The following RIMS1 variants were observed in gnomAD, a reference collection of about 807,000 sequenced individuals.
RIMS1 encodes the protein regulating synaptic membrane exocytosis 1.
In RIMS1, 83 loss-of-function variants were observed where a neutral mutation model predicts 214.1. That is an observed-to-expected ratio of 0.39 (90% CI 0.32 to 0.47). The LOEUF is 0.47. Ranked by LOEUF, RIMS1 falls within the 20% of genes least tolerant of loss-of-function variation. The pLI is 0.99. For synonymous variants in RIMS1, 793 were observed against 786.8 expected, an observed-to-expected ratio of 1.01 and a Z score of -0.13; for missense variants, 2,050 against 2,161.8, an observed-to-expected ratio of 0.95 and a Z score of 1.03.
chr6:72,282,292 T>C (rs1366666505), intron 23 of RIMS1, among the ~76,000 whole-genome samples: 2 of 152,168 alleles, frequency 1.3e-5, no homozygotes, highest in East Asian at 3.8e-4. Flanking sequence ...CTTCCCACTA[T>C]GCTTATGCCT....
At chr6:72,007,740 T>G (rs754660831) in intron 2 of RIMS1, among the ~76,000 whole-genome samples, 23 of 152,054 alleles carry the variant, frequency 1.5e-4, no homozygotes, top group Non-Finnish European at 2.8e-4. Flanking sequence ...GAAGATCAAA[T>G]GAACGAAATG....
At chr6:72,151,369 A>G (rs1376073680) in intron 4 of RIMS1, among the ~76,000 whole-genome samples, 1 of 152,112 alleles carries the variant, frequency 6.6e-6, no homozygotes, top group African/African-American at 2.4e-5. Context: ...TGGAAAACGT[A>G]ACCAGCGGAA....
chr6:71,895,138 A>G (rs910729562), intron 1 of RIMS1, among the ~76,000 whole-genome samples: 1 of 152,186 alleles, frequency 6.6e-6, no homozygotes, highest in Admixed American at 6.5e-5. Flanking sequence ...AGTGGAAACT[A>G]ATGTAGTAAT....
chr6:72,224,605 A>G (rs9442755), intron 6 of RIMS1, among the ~76,000 whole-genome samples: 2,970 of 152,306 alleles, frequency 0.02, 129 homozygotes, highest in African/African-American at 0.068. Context: ...TTATTCAGTC[A>G]AATATTTAGG....
rs1452932351 is a variant in RIMS1 at position 72,403,089 on chromosome 6, G to C, written c.*2375G>C. ...AATAAATCTCAGTAAGAATCAAATG[G>C]AAGGTTGTTTTCTGCTGCTGTTTGA... On this transcript the variant is annotated 3_prime_UTR_variant, in exon 34 of 34. Transcript: ENST00000521978. 1 of 152,206 alleles carries C rather than the reference G, an allele frequency of 6.6e-6. No homozygotes were observed. Among genetic ancestry groups the C allele is most frequent in the Non-Finnish European group, 1.5e-5 (1 of 68,032 alleles). 9.4% of individuals were successfully genotyped at this position (152,206 alleles called of 1,614,324 possible). A position where few individuals can be genotyped will look rare whatever the true frequency, so the allele number is the denominator to read the frequency against.
At chr6:71,953,053 C>T (rs1790122632) in intron 1 of RIMS1, among the ~76,000 whole-genome samples, 1 of 150,554 alleles carries the variant, frequency 6.6e-6, no homozygotes, top group African/African-American at 2.5e-5. Flanking sequence ...TTGGTGCGAT[C>T]TCGGCTCACT....
chr6:71,997,548 T>C (rs1803837694), intron 2 of RIMS1, among the ~76,000 whole-genome samples: 1 of 152,212 alleles, frequency 6.6e-6, no homozygotes, highest in Admixed American at 6.5e-5. Context: ...AAAATTTAAA[T>C]AGCACTTTGG....
chr6:72,265,848 A>T (rs1039717250), intron 21 of RIMS1, 112 bp from the exon 22 acceptor site: 1 of 707,382 alleles, frequency 1.4e-6, no homozygotes, highest in African/African-American at 1.8e-5. Context: ...CAGTGATTCT[A>T]CATTTTGTGT....
At chr6:72,298,879 T>A (rs1191370421) in intron 26 of RIMS1, among the ~76,000 whole-genome samples, 1 of 151,954 alleles carries the variant, frequency 6.6e-6, no homozygotes, top group Non-Finnish European at 1.5e-5. Context: ...TTAACAAAGC[T>A]AACAAAGATA....
chr6:71,922,241 C>T (rs1780220088), intron 1 of RIMS1, among the ~76,000 whole-genome samples: 1 of 152,122 alleles, frequency 6.6e-6, no homozygotes, highest in Non-Finnish European at 1.5e-5. Flanking sequence ...GTTATGTGAT[C>T]ATCATCAGTA....
At chr6:72,161,548 C>A (rs4605843) in intron 4 of RIMS1, among the ~76,000 whole-genome samples, 81,559 of 137,212 alleles carry the variant, frequency 0.59, 29,886 homozygotes, top group East Asian at 0.98. Context: ...TCCCTCTAAA[C>A]ACTGCTTTGA....
At chr6:72,101,909 A>G (rs2033678448) in intron 4 of RIMS1, among the ~76,000 whole-genome samples, 1 of 151,984 alleles carries the variant, frequency 6.6e-6, no homozygotes, top group African/African-American at 2.4e-5. Flanking sequence ...TGCTGTCATA[A>G]AGAATGACTT....
At chr6:71,926,173 C>G in intron 1 of RIMS1, among the ~76,000 whole-genome samples, 1 of 152,150 alleles carries the variant, frequency 6.6e-6, no homozygotes, top group East Asian at 1.9e-4. Context: ...CCTTGTGATC[C>G]ACCTGCCTTG....
At chr6:71,978,862 G>C (rs72929584) in intron 2 of RIMS1, among the ~76,000 whole-genome samples, 10,133 of 152,030 alleles carry the variant, frequency 0.067, 406 homozygotes, top group Non-Finnish European at 0.082. Flanking sequence ...AAATGTTTTC[G>C]CATTTTAGAA....
intron 4 of RIMS1, among the ~76,000 whole-genome samples, chr6:72,126,954 A>G (rs921870957): frequency 6.6e-6 from 1 of 152,140 alleles, no homozygotes; most frequent in Non-Finnish European, 1.5e-5. Context: ...AGAAGTCATT[A>G]TGTGAAAAAG....
chr6:72,400,153 A>T (rs528810852), intron 33 of RIMS1, among the ~76,000 whole-genome samples: 14 of 152,248 alleles, frequency 9.2e-5, no homozygotes, highest in African/African-American at 3.1e-4. Context: ...ATGGTCCTGT[A>T]CATCGCTAAT....
chr6:72,069,902 A>T (rs145130827), intron 2 of RIMS1, among the ~76,000 whole-genome samples: 1 of 152,310 alleles, frequency 6.6e-6, no homozygotes, highest in Non-Finnish European at 1.5e-5. Flanking sequence ...TGTTGGGATG[A>T]GATAGAGGTG....
At chr6:71,935,626 T>G (rs949472138) in intron 1 of RIMS1, among the ~76,000 whole-genome samples, 6 of 152,178 alleles carry the variant, frequency 3.9e-5, no homozygotes, top group African/African-American at 1.2e-4. Context: ...GCTGTTGGCC[T>G]CTCTTCCTAT....
At chr6:72,286,313 T>C (rs2092298694) in intron 24 of RIMS1, among the ~76,000 whole-genome samples, 2 of 152,220 alleles carry the variant, frequency 1.3e-5, no homozygotes, top group Non-Finnish European at 2.9e-5. Flanking sequence ...TGATAGATGA[T>C]GCCAGTGTCA....
Sources: allele counts gnomAD v4.1 joint callset (sites outside exome capture counted in the v4.1 genomes callset), GRCh38; gene constraint gnomAD v4.1.1; transcripts MANE v1.5; gene names NCBI Gene and HGNC (gene_info 2026-07-23, HGNC 2026-07-21).